Variants in ZNF311 observed in about 807,000 individuals in gnomAD.
ZNF311 encodes the protein zinc finger protein 311, also known as zinc finger protein zfp31.
A neutral mutation model predicts 22.7 loss-of-function variants in ZNF311; 14 were observed. The ratio of observed to expected loss-of-function variants is 0.62; its 90% CI spans 0.41 to 0.96. The LOEUF is 0.96. Ranked by LOEUF, ZNF311 falls within the 40% of genes least tolerant of loss-of-function variation. The pLI, the probability that ZNF311 is intolerant of heterozygous loss-of-function variation, is 0.00. For missense variants in ZNF311, 731 were observed against 799.0 expected (o/e 0.91, Z 1.03); for synonymous variants, 250 against 275.3 (o/e 0.91, Z 0.91).
rs184263219 is a variant in ZNF311 at position 29,003,354 on chromosome 6, T to C, written c.91+159A>G. Among the ~76,000 whole-genome samples the C allele has an allele frequency of 2.8e-3, 430 of 152,336 alleles. 1 individual carries two copies. The highest frequency in any genetic ancestry group is 5.3e-3 in the Non-Finnish European group (360 of 68,032). ...AAACTGAATATTTAGTTCCTCTAGA[T>C]ATTGATCCAAGCCTCGTATAGAAAC... On this transcript the variant is annotated intron_variant, in intron 3 of 6. Coordinates refer to ENST00000377179, the MANE Select transcript of ZNF311 (RefSeq NM_001382360.1).
chr6:29,003,895 CACTT>C (rs1780802947), intron 2 of ZNF311, 47 bp downstream of exon 2: 1 of 1,612,844 alleles, frequency 6.2e-7, no homozygotes, highest in Non-Finnish European at 8.5e-7. Flanking sequence ...TTCTTGGACT[CACTT>C]CTCCTTCTTC....
At chr6:29,000,105 G>T in intron 3 of ZNF311, 58 bp from the exon 4 acceptor site, 2 of 1,496,538 alleles carry the variant, frequency 1.3e-6, no homozygotes, top group Non-Finnish European at 1.8e-6. Flanking sequence ...GAAATCTCCT[G>T]CATTCGTCTT....
chr6:29,004,270 C>A, intron 1 of ZNF311, 56 bp from the exon 2 acceptor site: 1 of 1,268,034 alleles, frequency 7.9e-7, no homozygotes, highest in South Asian at 1.8e-5. Context: ...AATAGGGAGT[C>A]ACTGAGAACC....
At chr6:29,004,351 G>A in intron 1 of ZNF311, 137 bp from the exon 2 acceptor site, 1 of 387,990 alleles carries the variant, frequency 2.6e-6, no homozygotes, top group Non-Finnish European at 4.0e-6. Context: ...ACCCTTGTCT[G>A]AGCCACCATC....
chr6:28,996,182 G>A lies in ZNF311; in HGVS notation c.820C>T (p.Pro274Ser). The A allele has an allele frequency of 5.6e-6, 9 of 1,613,538 alleles. No individual in the cohort carries two copies. The highest frequency in any genetic ancestry group is 1.6e-4 in the Middle Eastern group (1 of 6,062). Residue 274 changes from proline (P) to serine (S), a missense_variant, in exon 7 of 7, where the codon CCC becomes TCC. By Grantham distance (74) the Pro-to-Ser change is moderately conservative (BLOSUM62 -1). Transcript: ENST00000377179. Reference protein sequence around the residue: ...LHEQIHSGEKPHVCNECGKAF... With the variant: ...LHEQIHSGEKSHVCNECGKAF... ...TTCCCACACTCATTACACACATGGG[G>A]TTTCTCACCAGAATGAATTTGCTCA...
At position 28,995,232 on chromosome 6, in the gene ZNF311, C is replaced by T. The variant is rs144880249; in HGVS notation, c.1770G>A (p.Thr590=). 1.7e-5 allele frequency: 28 copies of T among 1,613,964 alleles called. No individual in the cohort carries two copies. Among genetic ancestry groups the T allele is most frequent in the Middle Eastern group, 1.6e-4 (1 of 6,084 alleles). ...EKPYTCSECG[T]SFRQGSALIG... ...TCAGAGCTGAGCCCTGACGGAAGGA[C>T]GTGCCACACTCACTGCAGGTGTATG... Residue 590 remains threonine (T), a synonymous_variant, in exon 7 of 7, where the codon ACG becomes ACA. Transcript: ENST00000377179. This position sits in a 1 kb window ranked among gnomAD's most constrained non-coding sequence, Gnocchi z 4.7.
At chr6:28,999,428 A>C (rs774089466) in intron 5 of ZNF311, 59 bp downstream of exon 5, 2 of 1,463,688 alleles carry the variant, frequency 1.4e-6, no homozygotes, top group Non-Finnish European at 1.8e-6. Flanking sequence ...TCAATAAATA[A>C]ATCAATTAAA....
At chr6:29,004,341 A>C in intron 1 of ZNF311, 127 bp from the exon 2 acceptor site, 1 of 465,980 alleles carries the variant, frequency 2.1e-6, no homozygotes, top group South Asian at 4.0e-5. Flanking sequence ...AACGGCTACC[A>C]CCCTTGTCTG....
Position 28,996,278 on chromosome 6 carries a change from T to C in ZNF311, c.724A>G (p.Ile242Val). The change falls in exon 7 of 7, where the codon ATA becomes GTA. Residue 242 changes from isoleucine to valine, a missense_variant. Physicochemically the swap from Ile to Val is conservative, Grantham distance 29. Transcript: ENST00000377179. ...SKHSQCNKVL[I>V]AQKLHECARC... is the part of the protein sequence containing the mutation. ...GCACATTCATGGAGTTTCTGTGCTA[T>C]AAGAACTTTATTACATTGACTATGT... The C allele has an allele frequency of 9.3e-6, 15 of 1,613,130 alleles. No individual in the cohort carries two copies. Among genetic ancestry groups the C allele is most frequent in the Non-Finnish European group, 1.3e-5 (15 of 1,180,054 alleles).
chr6:28,999,338 G>A (rs1402946348), intron 5 of ZNF311, 149 bp downstream of exon 5: 5 of 724,672 alleles, frequency 6.9e-6, no homozygotes, highest in Non-Finnish European at 9.7e-6. Flanking sequence ...TGTAATAGAG[G>A]CAACTCAAAA....
rs1779344350 is a variant in ZNF311 at position 28,995,425 on chromosome 6, G to T, written c.1577C>A (p.Pro526His). ...IHQRIHTGEKPYKCLECGKAF... is the reference protein window; with the variant it reads ...IHQRIHTGEKHYKCLECGKAF... ...TTTCCCACACTCTAAACATTTGTAA[G>T]GTTTCTCTCCAGTGTGGATTCTCTG... The change falls in exon 7 of 7, where the codon CCT becomes CAT. Residue 526 changes from proline to histidine, a missense_variant. Transcript: ENST00000377179. The surrounding 1 kb of genome is among the most constrained non-coding windows in gnomAD (Gnocchi z 4.7). 3 of 1,613,994 alleles carry T rather than the reference G, an allele frequency of 1.9e-6. No homozygotes were observed. The highest frequency in any genetic ancestry group is 2.7e-5 in the African/African-American group (2 of 74,902).
At chr6:28,999,206 C>A (rs555377504) in intron 5 of ZNF311, among the ~76,000 whole-genome samples, 1 of 150,852 alleles carries the variant, frequency 6.6e-6, no homozygotes, top group South Asian at 2.1e-4. Context: ...ATAGAACACC[C>A]CATAAAAAAA....
In ZNF311 at chr6:28,995,008, C is replaced by T. The variant is rs1448121495; in HGVS notation, c.1994G>A (p.Ser665Asn). The T allele has an allele frequency of 6.2e-7, 1 of 1,602,760 alleles. No homozygotes were observed. Residue 665 changes from serine to asparagine, a missense_variant, in exon 7 of 7, where the codon AGT (serine) becomes AAT (asparagine). Ser to Asn is a conservative substitution (Grantham distance 46). Transcript: ENST00000377179. The surrounding 1 kb of genome is among the most constrained non-coding windows in gnomAD (Gnocchi z 4.7). ...SQTSVVSILT[S>N]A ...ACACCAGAATCGTTATACTCAGGCA[C>T]TGGTCAAAATACTGACTACTGAGGT...
rs372866804 is a variant in ZNF311, at chr6:28,995,985, G to A, written c.1017C>T (p.Ala339=). The A allele has an allele frequency of 1.1e-5, 17 of 1,613,696 alleles. No individual in the cohort carries two copies. In the African/African-American group the frequency reaches 1.1e-4, roughly 10 times the overall value. ...KPHECRDCGK[A]FKTRNRLCMH... ...TACAGAGACGGTTCCTGGTCTTGAAGGCCTTCCCACAGTCCCTGCACTCGT... is the reference window on the plus strand; with the variant it reads ...TACAGAGACGGTTCCTGGTCTTGAAAGCCTTCCCACAGTCCCTGCACTCGT... The change falls in exon 7 of 7, where the codon GCC becomes GCT. Residue 339 remains alanine, a synonymous_variant. Transcript: ENST00000377179. The surrounding 1 kb of genome is among the most constrained non-coding windows in gnomAD (Gnocchi z 4.7).
chr6:29,001,540 C>G lies in ZNF311; in HGVS notation c.92-1493G>C, dbSNP rs545745600. ...ACTCATCTGGATGGCACACAACTCA[C>G]AGCAGACACATGTTTGTGCCTTGTT... On this transcript the variant is annotated intron_variant, in intron 3 of 6. Coordinates refer to ENST00000377179, the MANE Select transcript of ZNF311 (RefSeq NM_001382360.1). 1.4e-3 allele frequency among the ~76,000 whole-genome samples: 210 copies of G among 152,348 alleles called. 2 individuals carry two copies. The highest frequency in any genetic ancestry group is 0.01 in the Middle Eastern group (3 of 294).
chr6:29,003,714 G>A, intron 2 of ZNF311, 120 bp from the exon 3 acceptor site: 2 of 1,424,014 alleles, frequency 1.4e-6, no homozygotes, highest in South Asian at 1.2e-5. Flanking sequence ...ACCAAAAGAA[G>A]GGAGAAAATA....
intron 3 of ZNF311, among the ~76,000 whole-genome samples, chr6:29,000,684 A>G (rs1780322118): frequency 6.6e-6 from 1 of 152,192 alleles, no homozygotes; most frequent in African/African-American, 2.4e-5. Flanking sequence ...TCAATATAGT[A>G]TAGCACACAG....
rs967200597 is a variant in ZNF311, at chr6:29,005,269, G to T, written c.-522C>A. The T allele has an allele frequency of 5.8e-5, 7 of 121,002 alleles. No homozygotes were observed. The highest frequency in any genetic ancestry group is 2.3e-4 in the African/African-American group (7 of 30,966). 7.5% of individuals were successfully genotyped at this position (121,002 alleles called of 1,614,324 possible). A position where few individuals can be genotyped will look rare whatever the true frequency, so the allele number is the denominator to read the frequency against. On this transcript the variant is annotated 5_prime_UTR_variant, in exon 1 of 7. Transcript: ENST00000377179. ...ATATATGAATGGATGCTGTAGAGAA[G>T]AATAAAAAGAATGGGTCAGGAGGCG...
intron 5 of ZNF311, among the ~76,000 whole-genome samples, chr6:28,999,242 C>T (rs1364705675): frequency 1.3e-5 from 2 of 151,840 alleles, no homozygotes; most frequent in African/African-American, 4.8e-5. Flanking sequence ...AGCAAGAACC[C>T]AGGGAAAACA....
Sources: gnomAD v4.1 joint callset for allele counts (sites outside exome capture counted in the v4.1 genomes callset) on GRCh38, gnomAD v4.1.1 for gene constraint, Gnocchi (gnomAD v3.1) non-coding constraint, MANE v1.5 for transcripts, NCBI Gene and HGNC (gene_info 2026-07-23, HGNC 2026-07-21) for gene names.